TRAF3: variants seen among roughly 807,000 people sequenced by gnomAD.
TRAF3 encodes TNF receptor associated factor 3.
TRAF3 carries 13 observed loss-of-function variants against 62.3 expected under a neutral mutation model. The observed-to-expected ratio is 0.21, with a 90% CI of 0.14 to 0.33. The LOEUF (loss-of-function observed/expected upper bound fraction) is 0.33. TRAF3 is among the 10% of genes least tolerant of loss of function. TRAF3 has a pLI of 1.00. For synonymous variants in TRAF3, 269 were observed against 283.4 expected (o/e 0.95, Z 0.51); for missense variants, 440 against 741.8 (o/e 0.59, Z 4.73).
rs1890442851 is a variant in TRAF3 at position 102,903,917 on chromosome 14, G to A, written c.1135+488G>A. 2.5e-6 allele frequency: 1 copy of A among 401,644 alleles called. No individual in the cohort carries two copies. The allele number at this position is 401,644 out of a possible 1,614,324, so 24.9% of individuals were successfully genotyped here. On this transcript the variant is annotated intron_variant, in intron 11 of 11. Transcript: ENST00000392745. This position sits in a 1 kb window ranked among gnomAD's most constrained non-coding sequence, Gnocchi z 6.4. ...GTATTGGGAATATTTACATGAGGAG[G>A]ATTAATGGCAGAAAGGAACACAGAT...
chr14:102,900,179 G>GAAAAAAAAAAAA (rs1566807952), intron 10 of TRAF3, among the ~76,000 whole-genome samples: 1 of 83,746 alleles, frequency 1.2e-5, no homozygotes, highest in African/African-American at 5.2e-5. Flanking sequence ...ACTCCGTCTC[G>GAAAAAAAAAAAA]GAAAAAAAAA....
Position 102,811,728 on chromosome 14 carries a change from A to AGT in TRAF3, c.-156-18573_-156-18572dup, listed in dbSNP as rs146439927. On this transcript the variant is annotated intron_variant, in intron 1 of 11. Coordinates refer to ENST00000392745, the MANE Select transcript of TRAF3 (RefSeq NM_145725.3). ...GTGAGGAGGATACTGCTACAGCAGTAGTGTGTGTGTGTGTGTGTGTGTGTG... is the reference window on the plus strand; with the variant it reads ...GTGAGGAGGATACTGCTACAGCAGTAGTGTGTGTGTGTGTGTGTGTGTGTGTG... Among the ~76,000 whole-genome samples the AGT allele has an allele frequency of 5.2e-3, 727 of 138,590 alleles. 3 individuals are homozygous for AGT. Among genetic ancestry groups the AGT allele is most frequent in the African/African-American group, 0.01 (380 of 36,960 alleles). The allele number at this position is 138,590 out of a possible 152,430, so 90.9% of individuals were successfully genotyped here. A position where few individuals can be genotyped will look rare whatever the true frequency, so the allele number is the denominator to read the frequency against.
At chr14:102,892,558 A>G (rs1212687402) in intron 9 of TRAF3, among the ~76,000 whole-genome samples, 1 of 152,256 alleles carries the variant, frequency 6.6e-6, no homozygotes, top group Non-Finnish European at 1.5e-5. Flanking sequence ...CTTAATTACA[A>G]AAATATAAAC....
intron 10 of TRAF3, among the ~76,000 whole-genome samples, chr14:102,901,336 A>T (rs1003980571): frequency 6.6e-6 from 1 of 152,164 alleles, no homozygotes; most frequent in Non-Finnish European, 1.5e-5. Context: ...CCTGGGACTC[A>T]TGCTTCATTT....
At chr14:102,780,716 C>T (rs1168632650) in intron 1 of TRAF3, among the ~76,000 whole-genome samples, 1 of 152,042 alleles carries the variant, frequency 6.6e-6, no homozygotes, top group Admixed American at 6.5e-5. Flanking sequence ...GTCTTTTTCT[C>T]ATTTAATTAA....
chr14:102,905,693 C>A lies in TRAF3; in HGVS notation c.1616C>A (p.Ala539Asp). 1 of 1,612,578 alleles carries A rather than the reference C, an allele frequency of 6.2e-7. No individual in the cohort carries two copies. The highest frequency in any genetic ancestry group is 8.5e-7 in the Non-Finnish European group (1 of 1,178,850). Residue 539 changes from alanine to aspartate, a missense_variant, in exon 12 of 12, where the codon GCC becomes GAC. Physicochemically the swap from Ala to Asp is moderately radical, Grantham distance 126 (BLOSUM62 -2). Transcript: ENST00000392745. ...GCCTCTGGCTGCCCAGTCTTTGTGG[C>A]CCAAACTGTTCTAGAAAATGGGACA... ...NIASGCPVFV[A>D]QTVLENGTYI...
At chr14:102,790,371 C>G (rs931479108) in intron 1 of TRAF3, among the ~76,000 whole-genome samples, 5 of 152,306 alleles carry the variant, frequency 3.3e-5, no homozygotes, top group African/African-American at 9.6e-5. Flanking sequence ...TTCTGTTGCT[C>G]TGTAAGTCTG....
At chr14:102,854,670 G>A (rs774849309) in intron 2 of TRAF3, among the ~76,000 whole-genome samples, 8 of 151,968 alleles carry the variant, frequency 5.3e-5, no homozygotes, top group African/African-American at 1.9e-4. Context: ...GCTATTTTTT[G>A]TATTTTTTTG....
chr14:102,790,493 G>A (rs942912307), intron 1 of TRAF3, among the ~76,000 whole-genome samples: 3 of 152,204 alleles, frequency 2.0e-5, no homozygotes, highest in African/African-American at 7.2e-5. Context: ...TGTTTCACAT[G>A]GCTGGGGAGG....
At chr14:102,785,819 G>C (rs967482436) in intron 1 of TRAF3, among the ~76,000 whole-genome samples, 4 of 152,202 alleles carry the variant, frequency 2.6e-5, no homozygotes, top group African/African-American at 9.7e-5. Context: ...AGGAAGGGCT[G>C]TGAATAACGG....
At chr14:102,803,270 G>A (rs947101721) in intron 1 of TRAF3, among the ~76,000 whole-genome samples, 12 of 152,160 alleles carry the variant, frequency 7.9e-5, no homozygotes, top group Non-Finnish European at 1.6e-4. Flanking sequence ...TAGAGTTACA[G>A]TCTTGGAATG....
In TRAF3 at chr14:102,909,623, C is replaced by G. The variant is rs1890761178; in HGVS notation, c.*3839C>G. The G allele has an allele frequency of 6.6e-6, 1 of 152,422 alleles. No individual in the cohort carries two copies. Among genetic ancestry groups the G allele is most frequent in the Non-Finnish European group, 1.5e-5 (1 of 68,218 alleles). The allele number at this position is 152,422 out of a possible 1,614,324, so 9.4% of individuals were successfully genotyped here. Reference sequence around the variant, plus strand: ...TTCCTCAGCCCGGGCCCCACAGGCCCACCACCTGCCAGGGCTCCCACTGCA... The same window carrying G: ...TTCCTCAGCCCGGGCCCCACAGGCCGACCACCTGCCAGGGCTCCCACTGCA... On this transcript the variant is annotated 3_prime_UTR_variant, in exon 12 of 12. Transcript: ENST00000392745.
At chr14:102,862,085 G>T (rs1398271619) in intron 2 of TRAF3, among the ~76,000 whole-genome samples, 1 of 151,884 alleles carries the variant, frequency 6.6e-6, no homozygotes, top group East Asian at 1.9e-4. Flanking sequence ...TTTTTATTTT[G>T]TTGCTTATAC....
intron 2 of TRAF3, among the ~76,000 whole-genome samples, chr14:102,842,526 C>G (rs1197905786): frequency 1.3e-5 from 2 of 151,790 alleles, no homozygotes; most frequent in African/African-American, 4.8e-5. Flanking sequence ...ATATGTATAA[C>G]CTAGTTCCAG....
intron 1 of TRAF3, among the ~76,000 whole-genome samples, chr14:102,780,030 T>G (rs975998851): frequency 1.3e-5 from 2 of 152,214 alleles, no homozygotes; most frequent in Non-Finnish European, 2.9e-5. Flanking sequence ...GTGTTCTTTT[T>G]TTGCATGGAA....
At position 102,826,822 on chromosome 14, in the gene TRAF3, G is replaced by C. The variant is rs1347089338; in HGVS notation, c.-156-3512G>C. 6.6e-6 allele frequency among the ~76,000 whole-genome samples: 1 copy of C among 152,192 alleles called. No homozygotes were observed. Among genetic ancestry groups the C allele is most frequent in the Non-Finnish European group, 1.5e-5 (1 of 68,038 alleles). Reference sequence around the variant, plus strand: ...GTCAGGGGTGCCAGGGCTGCCAAAGGACAGCTGTTACTTATGGGTGGCGGC... The same window carrying C: ...GTCAGGGGTGCCAGGGCTGCCAAAGCACAGCTGTTACTTATGGGTGGCGGC... On this transcript the variant is annotated intron_variant, in intron 1 of 11. Coordinates refer to ENST00000392745, the MANE Select transcript of TRAF3 (RefSeq NM_145725.3). The surrounding 1 kb of genome is among the most constrained non-coding windows in gnomAD (Gnocchi z 4.6).
intron 1 of TRAF3, among the ~76,000 whole-genome samples, chr14:102,817,193 G>T (rs961407161): frequency 6.6e-6 from 1 of 152,120 alleles, no homozygotes; most frequent in Non-Finnish European, 1.5e-5. Flanking sequence ...AGGGAAAGGG[G>T]TGCTGGAGAT....
Position 102,890,647 on chromosome 14 carries a change from A to G in TRAF3, c.727-678A>G, listed in dbSNP as rs1224777141. On this transcript the variant is annotated intron_variant, in intron 8 of 11. Transcript: ENST00000392745. ...TGTGGCTTCTTAATTTTCTAATAGC[A>G]AAACAAATTATATTTCAGACAAATT... Among the ~76,000 whole-genome samples the G allele has an allele frequency of 6.6e-5, 10 of 152,234 alleles. No homozygotes were observed. In the East Asian group the frequency reaches 1.9e-3, roughly 29 times the overall value.
intron 6 of TRAF3, among the ~76,000 whole-genome samples, chr14:102,883,286 T>G (rs895106612): frequency 6.6e-6 from 1 of 152,250 alleles, no homozygotes; most frequent in Non-Finnish European, 1.5e-5. Context: ...AATAGGCAGA[T>G]GAGTCTAAGA....
Sources: gnomAD v4.1 joint callset for allele counts (sites outside exome capture counted in the v4.1 genomes callset) on GRCh38, gnomAD v4.1.1 for gene constraint, Gnocchi (gnomAD v3.1) non-coding constraint, MANE v1.5 for transcripts, NCBI Gene and HGNC (gene_info 2026-07-23, HGNC 2026-07-21) for gene names.